The following PLEKHG5 variants were observed in gnomAD, a reference collection of about 807,000 sequenced individuals.
PLEKHG5 encodes the protein pleckstrin homology and RhoGEF domain containing G5, also known as pleckstrin homology domain-containing family G member 5.
PLEKHG5 carries 52 observed loss-of-function variants against 103.8 expected under a neutral mutation model. The observed-to-expected ratio is 0.50, with a 90% CI of 0.40 to 0.63. The LOEUF (loss-of-function observed/expected upper bound fraction) is 0.63. Ranked by LOEUF, PLEKHG5 falls within the 30% of genes least tolerant of loss-of-function variation. The pLI is 0.00. For synonymous variants in PLEKHG5, 592 were observed against 575.5 expected, an observed-to-expected ratio of 1.03 and a Z score of -0.41; for missense variants, 1,205 against 1,347.6, an observed-to-expected ratio of 0.89 and a Z score of 1.66.
intron 15 of PLEKHG5, 25 bp from the exon 16 acceptor site, chr1:6,470,380 G>C (rs1181176341): frequency 1.9e-6 from 3 of 1,613,594 alleles, no homozygotes; most frequent in Non-Finnish European, 2.5e-6. Context: ...CGTGAACGTA[G>C]GGGAGGCCAG....
chr1:6,494,288 G>GCCTGGAATTACAGGCA (rs1645191532), upstream of PLEKHG5, among the ~76,000 whole-genome samples: 9 of 151,294 alleles, frequency 5.9e-5, no homozygotes, highest in Non-Finnish European at 4.4e-5. Context: ...CCACCACCAT[G>GCCTGGAATTACAGGCA]CCCAGCTAAT....
At chr1:6,502,276 T>C (rs1569988253) in intron 1 of PLEKHG5, among the ~76,000 whole-genome samples, 1 of 152,230 alleles carries the variant, frequency 6.6e-6, no homozygotes, top group African/African-American at 2.4e-5. Context: ...GTGTTTCTGA[T>C]CCCCTTCCCA....
In PLEKHG5 at chr1:6,467,811, T is replaced by C. The variant is rs1366703664; in HGVS notation, c.3011+14A>G. The C allele has an allele frequency of 1.9e-6, 3 of 1,612,728 alleles. No homozygotes were observed. Among genetic ancestry groups the C allele is most frequent in the Admixed American group, 1.7e-5 (1 of 59,988 alleles). On this transcript the variant is annotated intron_variant, in intron 20 of 20. Coordinates refer to ENST00000377728, the MANE Select transcript of PLEKHG5 (RefSeq NM_020631.6). ...CCCTGAGCCACCTGCCCTACCCCAG[T>C]CCAGGCCACTCACGAGGCAGTGAGC...
At chr1:6,478,299 G>A (rs1644816296) in intron 1 of PLEKHG5, among the ~76,000 whole-genome samples, 1 of 152,180 alleles carries the variant, frequency 6.6e-6, no homozygotes, top group Non-Finnish European at 1.5e-5. Context: ...AGCCTCCCGA[G>A]TAGCTTGGAC....
At chr1:6,491,755 G>T (rs1324812102), upstream of PLEKHG5, 25 of 933,932 alleles carry the variant, frequency 2.7e-5, no homozygotes, top group Non-Finnish European at 3.2e-5. This position sits in a 1 kb window ranked among gnomAD's most constrained non-coding sequence, Gnocchi z 4.1. Flanking sequence ...CACCTCACAG[G>T]CCATTGTTAA....
Position 6,468,463 on chromosome 1 carries a change from G to C in PLEKHG5, c.2373C>G (p.Thr791=). ...TGGTGGGCGTGGCAGATGAGGCAGT[G>C]GTGCTGAGAGAGGTCTCATCAGACT... ...SSQSDETSLS[T]TASSATPTSE... Residue 791 remains threonine (T), a synonymous_variant, in exon 20 of 21, where the codon ACC becomes ACG. Coordinates refer to ENST00000377728, the MANE Select transcript of PLEKHG5 (RefSeq NM_020631.6). The C allele has an allele frequency of 6.2e-7, 1 of 1,613,064 alleles. No homozygotes were observed. The highest frequency in any genetic ancestry group is 1.1e-5 in the South Asian group (1 of 91,076).
chr1:6,517,019 G>C (rs1240744687), intron 1 of PLEKHG5, among the ~76,000 whole-genome samples: 3 of 150,860 alleles, frequency 2.0e-5, no homozygotes, highest in Non-Finnish European at 2.9e-5. Context: ...AAGCCAAGAC[G>C]GGTGGATCAC....
At chr1:6,497,269 CG>C (rs1402968862), upstream of PLEKHG5, 2 of 910,728 alleles carry the variant, frequency 2.2e-6, no homozygotes, top group East Asian at 2.8e-5. The surrounding 1 kb of genome is among the most constrained non-coding windows in gnomAD (Gnocchi z 6.1). Flanking sequence ...GGAGCCGGCC[CG>C]GCCCCCCAGG....
chr1:6,470,078 G>A (rs914705422), intron 16 of PLEKHG5, among the ~76,000 whole-genome samples, 158 bp downstream of exon 16: 1 of 152,220 alleles, frequency 6.6e-6, no homozygotes, highest in Admixed American at 6.5e-5. Flanking sequence ...CCTACTGCTG[G>A]ATTTGTGAAT....
intron 1 of PLEKHG5, among the ~76,000 whole-genome samples, chr1:6,480,657 T>C (rs969694808): frequency 2.7e-5 from 3 of 109,122 alleles, no homozygotes; most frequent in African/African-American, 8.4e-5. Flanking sequence ...GGGATTTCCT[T>C]TTTTTTTTTG....
rs540223458 is a variant in PLEKHG5 at position 6,487,819 on chromosome 1, C to G, written c.-88+3818G>C. The stretch of plus-strand genomic sequence containing the variant: ...CCAGACTGTCCTCTCCAGAAGCCAG[C>G]GCCTTGGCCGTCTGCATCTCACTGT... On this transcript the variant is annotated intron_variant, in intron 1 of 20. Coordinates refer to ENST00000377728, the MANE Select transcript of PLEKHG5 (RefSeq NM_020631.6). The surrounding 1 kb of genome is among the most constrained non-coding windows in gnomAD (Gnocchi z 4.1). Among the ~76,000 whole-genome samples the G allele has an allele frequency of 6.6e-6, 1 of 152,336 alleles. No homozygotes were observed. Among genetic ancestry groups the G allele is most frequent in the African/African-American group, 2.4e-5 (1 of 41,578 alleles).
In PLEKHG5 at chr1:6,475,151, TG is replaced by T. The variant is rs1219163498; in HGVS notation, c.211-14del. ...CCTTGCTTGGGTCCTGGGAGGATGG[TG>T]GGGGTGGGGGCTGTGAGCTTCTCCT... is the stretch of plus-strand genomic sequence containing the variant. On this transcript the variant is annotated splice_polypyrimidine_tract_variant and intron_variant, in intron 4 of 20. Coordinates refer to ENST00000377728, the MANE Select transcript of PLEKHG5 (RefSeq NM_020631.6). 3.4e-6 allele frequency: 5 copies of T among 1,463,498 alleles called. No individual in the cohort carries two copies. The highest frequency in any genetic ancestry group is 3.8e-6 in the Non-Finnish European group (4 of 1,043,420). 90.7% of individuals were successfully genotyped at this position (1,463,498 alleles called of 1,614,324 possible). A position where few individuals can be genotyped will look rare whatever the true frequency, so the allele number is the denominator to read the frequency against.
intron 1 of PLEKHG5, among the ~76,000 whole-genome samples, chr1:6,480,655 CTT>C (rs201796437): frequency 3.4e-5 from 5 of 145,958 alleles, no homozygotes; most frequent in African/African-American, 1.2e-4. Context: ...GGGGGATTTC[CTT>C]TTTTTTTTTG....
intron 1 of PLEKHG5, among the ~76,000 whole-genome samples, chr1:6,504,663 G>A (rs796638161): frequency 3.3e-5 from 5 of 151,052 alleles, no homozygotes; most frequent in Non-Finnish European, 2.9e-5. Flanking sequence ...TACACCTCCC[G>A]GGTTCACGCC....
intron 1 of PLEKHG5, among the ~76,000 whole-genome samples, chr1:6,518,332 AGGCAGATCACCTGAGGTTG>A (rs1638683165): frequency 6.6e-6 from 1 of 151,516 alleles, no homozygotes; most frequent in Admixed American, 6.6e-5. Context: ...AGGCCGAGGC[AGGCAGATCACCTGAGGTTG>A]GGAGTTCAAG....
chr1:6,472,876 G>T, intron 9 of PLEKHG5, 110 bp downstream of exon 9: 1 of 1,053,296 alleles, frequency 9.5e-7, no homozygotes, highest in Non-Finnish European at 1.5e-6. Context: ...TGGGCTAATG[G>T]TAACAGTGGC....
Position 6,477,544 on chromosome 1 carries a change from C to G in PLEKHG5, c.28G>C (p.Asp10His), listed in dbSNP as rs750665205. 5 of 1,612,106 alleles carry G rather than the reference C, an allele frequency of 3.1e-6. No individual in the cohort carries two copies. The highest frequency in any genetic ancestry group is 4.2e-6 in the Non-Finnish European group (5 of 1,179,988). ...CTGTGCTCACCTTGTGGGGGAAGGT[C>G]GAAGCGGACATGCCCATCATAATGC... Reference protein sequence around the residue: MHYDGHVRFDLPPQGSVLAR... With the variant: MHYDGHVRFHLPPQGSVLAR... Residue 10 changes from aspartate (D) to histidine (H), a missense_variant, in exon 2 of 21, where the codon GAC becomes CAC. By Grantham distance (81) the Asp-to-His change is moderately conservative. Transcript: ENST00000377728.
At chr1:6,500,481 G>C (rs976470135), upstream of PLEKHG5, among the ~76,000 whole-genome samples, 3 of 151,814 alleles carry the variant, frequency 2.0e-5, no homozygotes, top group Non-Finnish European at 2.9e-5. Context: ...TCTGCTCCCC[G>C]ACCTCAGCCC....
At chr1:6,519,979 G>C (rs1341192329) in exon 1 of PLEKHG5, 2 of 230,878 alleles carry the variant, frequency 8.7e-6, no homozygotes, top group African/African-American at 4.5e-5. Context: ...CCCTCTGCTG[G>C]GCTCCTTGGC....
Sources: allele counts gnomAD v4.1 joint callset (sites outside exome capture counted in the v4.1 genomes callset), GRCh38; gene constraint gnomAD v4.1.1; non-coding constraint Gnocchi (gnomAD v3.1); transcripts MANE v1.5; gene names NCBI Gene and HGNC (gene_info 2026-07-23, HGNC 2026-07-21).